DTNA: variants seen among roughly 807,000 people sequenced by gnomAD.
The protein encoded by DTNA is dystrobrevin alpha, also known as dystrophin-related protein 3.
A neutral mutation model predicts 100.7 loss-of-function variants in DTNA; 43 were observed. The observed-to-expected ratio is 0.43, with a 90% CI of 0.33 to 0.55. DTNA has a LOEUF of 0.55. Among genes scored for constraint, DTNA ranks in the 20% least tolerant of loss-of-function variants. The pLI, the probability that DTNA is intolerant of heterozygous loss-of-function variation, is 0.04. For missense variants in DTNA, 798 were observed against 953.9 expected, an observed-to-expected ratio of 0.84 and a Z score of 2.15; for synonymous variants, 349 against 347.9, an observed-to-expected ratio of 1.00 and a Z score of -0.04.
intron 1 of DTNA, among the ~76,000 whole-genome samples, chr18:34,718,168 A>G (rs1456184896): frequency 3.3e-5 from 5 of 152,284 alleles, no homozygotes; most frequent in Admixed American, 1.3e-4. Flanking sequence ...CAAGTTTTTC[A>G]AACAGGACCA....
At chr18:34,528,115 G>T (rs2042805673) in intron 1 of DTNA, among the ~76,000 whole-genome samples, 1 of 151,968 alleles carries the variant, frequency 6.6e-6, no homozygotes. Flanking sequence ...AACTCCATCT[G>T]TTTCTAATAC....
At chr18:34,674,178 T>C (rs577470798) in intron 1 of DTNA, among the ~76,000 whole-genome samples, 1 of 152,296 alleles carries the variant, frequency 6.6e-6, no homozygotes, top group African/African-American at 2.4e-5. Context: ...GCACTTTCCT[T>C]GGGGCCCAGA....
At chr18:34,838,940 G>A in intron 13 of DTNA, 103 bp downstream of exon 13, 1 of 925,444 alleles carries the variant, frequency 1.1e-6, no homozygotes, top group Non-Finnish European at 1.8e-6. Flanking sequence ...TGCCAGTGGT[G>A]ACACTGAAGC....
intron 15 of DTNA, among the ~76,000 whole-genome samples, chr18:34,856,622 C>G (rs933289730): frequency 6.6e-6 from 1 of 152,200 alleles, no homozygotes; most frequent in African/African-American, 2.4e-5. Flanking sequence ...GGATTCACAT[C>G]ACGTCTACCA....
rs796421224 is a variant in DTNA at position 34,814,697 on chromosome 18, GA to G, written c.604-1202del. Among the ~76,000 whole-genome samples, 13 of 140,088 alleles carry G rather than the reference GA, an allele frequency of 9.3e-5. No individual in the cohort carries two copies. In the South Asian group the frequency reaches 1.2e-3, roughly 12 times the overall value. The allele number at this position is 140,088 out of a possible 152,430, so 91.9% of individuals were successfully genotyped here. On this transcript the variant is annotated intron_variant, in intron 6 of 22. Coordinates refer to ENST00000444659, the MANE Select transcript of DTNA (RefSeq NM_001386795.1). ...GCAGAGTGAGATCCTGTCTCTAAAA[GA>G]AAAAAAAAAGAGAAAAAAGGACCTA...
At position 34,757,942 on chromosome 18, in the gene DTNA, TTAA is replaced by T. The variant is rs1340648513; in HGVS notation, c.67+1904_67+1906del. On this transcript the variant is annotated intron_variant, in intron 2 of 22. Transcript: ENST00000444659. ...CAAAAACAGCTAAATACGTCTGACC[TTAA>T]TAATTCATTAGTTTGAGCAACATGT... Among the ~76,000 whole-genome samples the T allele has an allele frequency of 2.0e-5, 3 of 152,234 alleles. No individual in the cohort carries two copies. In the East Asian group the frequency reaches 5.8e-4, roughly 29 times the overall value.
At chr18:34,682,414 G>C (rs2078263573) in intron 1 of DTNA, among the ~76,000 whole-genome samples, 1 of 152,122 alleles carries the variant, frequency 6.6e-6, no homozygotes, top group East Asian at 1.9e-4. Context: ...CTGAATCATA[G>C]GATAAAAATA....
intron 1 of DTNA, among the ~76,000 whole-genome samples, chr18:34,520,018 G>T (rs1383127650): frequency 6.6e-6 from 1 of 152,166 alleles, no homozygotes; most frequent in African/African-American, 2.4e-5. Context: ...AGAAGAAGCT[G>T]ATGTCTTAAA....
chr18:34,563,345 A>G (rs937870776), intron 1 of DTNA, among the ~76,000 whole-genome samples: 1 of 152,232 alleles, frequency 6.6e-6, no homozygotes, highest in Non-Finnish European at 1.5e-5. Context: ...AGACATGAAC[A>G]GTTTCTCTTC....
intron 1 of DTNA, among the ~76,000 whole-genome samples, chr18:34,508,112 C>A (rs559429514): frequency 1.3e-5 from 2 of 152,194 alleles, no homozygotes; most frequent in Admixed American, 6.5e-5. Context: ...TGGTTGACAT[C>A]AAAAAAATGA....
intron 1 of DTNA, among the ~76,000 whole-genome samples, chr18:34,584,008 G>T (rs899764453): frequency 2.0e-5 from 3 of 151,588 alleles, no homozygotes; most frequent in Admixed American, 2.0e-4. Flanking sequence ...AGAAATCTGC[G>T]TGCCGAATAG....
At chr18:34,507,377 T>C (rs932894554) in intron 1 of DTNA, among the ~76,000 whole-genome samples, 23 of 152,238 alleles carry the variant, frequency 1.5e-4, no homozygotes, top group Non-Finnish European at 3.2e-4. Flanking sequence ...GCAGAATCTA[T>C]ATTTAAATCT....
intron 11 of DTNA, among the ~76,000 whole-genome samples, chr18:34,835,080 T>C (rs1238502845): frequency 1.3e-5 from 2 of 152,178 alleles, no homozygotes; most frequent in Admixed American, 6.5e-5. Context: ...ATTTTTGTCT[T>C]GTTTTCATCA....
chr18:34,708,430 AAATGAATACCAC>A (rs556116635), upstream of DTNA, among the ~76,000 whole-genome samples: 6 of 152,356 alleles, frequency 3.9e-5, no homozygotes, highest in East Asian at 1.2e-3. Context: ...TAAGAATCCA[AAATGAATACCAC>A]AATGAACTGC....
chr18:34,731,819 T>A (rs2901642), intron 1 of DTNA, among the ~76,000 whole-genome samples: 55,688 of 152,088 alleles, frequency 0.37, 11,384 homozygotes, highest in African/African-American at 0.55. Context: ...AGATAAATGG[T>A]CAAATGGAGA....
At chr18:34,850,824 CAGAT>C (rs2096465063) in intron 14 of DTNA, among the ~76,000 whole-genome samples, 1 of 151,996 alleles carries the variant, frequency 6.6e-6, no homozygotes, top group South Asian at 2.1e-4. Flanking sequence ...CATACACAAA[CAGAT>C]ATATATATAT....
At chr18:34,538,689 T>G (rs1277968571) in intron 1 of DTNA, among the ~76,000 whole-genome samples, 1 of 152,068 alleles carries the variant, frequency 6.6e-6, no homozygotes, top group East Asian at 1.9e-4. Context: ...ATGCCTGATA[T>G]ATGGTAAATA....
intron 1 of DTNA, among the ~76,000 whole-genome samples, chr18:34,586,517 T>C (rs901476887): frequency 6.6e-6 from 1 of 151,992 alleles, no homozygotes; most frequent in Non-Finnish European, 1.5e-5. Context: ...CTTCCCAGCC[T>C]CCATAACACA....
chr18:34,814,556 G>C (rs1230125130), intron 6 of DTNA, among the ~76,000 whole-genome samples: 2 of 151,984 alleles, frequency 1.3e-5, no homozygotes, highest in African/African-American at 4.8e-5. Context: ...GCCAGGTGTG[G>C]TGGCACACAC....
Sources: gnomAD v4.1 joint callset for allele counts (sites outside exome capture counted in the v4.1 genomes callset) on GRCh38, gnomAD v4.1.1 for gene constraint, MANE v1.5 for transcripts, NCBI Gene and HGNC (gene_info 2026-07-23, HGNC 2026-07-21) for gene names.